NMRAL1: variants seen among roughly 807,000 people sequenced by gnomAD.
NMRAL1 encodes the protein nmrA-like family domain-containing protein 1.
Under a neutral mutation model 27.5 loss-of-function variants are expected in NMRAL1, and 32 were observed. That is an observed-to-expected ratio of 1.16 (90% CI 0.88 to 1.56). NMRAL1 has a LOEUF of 1.56. NMRAL1 is among the 40% of genes most tolerant of loss of function. The probability of loss-of-function intolerance (pLI) is 0.00; values close to 1 mark genes in which losing one functional copy is unlikely to be tolerated. For missense variants in NMRAL1, 420 were observed against 392.0 expected (o/e 1.07, Z -0.60); for synonymous variants, 166 against 166.8 (o/e 1.00, Z 0.04).
At chr16:4,467,099 C>G (rs936502044) in intron 3 of NMRAL1, 1 of 152,126 alleles carries the variant, frequency 6.6e-6, no homozygotes, top group Admixed American at 6.6e-5. Context: ...TTATAAGAGA[C>G]GGGAGAAGAG....
chr16:4,466,016 T>C lies in NMRAL1; in HGVS notation c.529+137A>G, dbSNP rs560232620. The C allele has an allele frequency of 2.3e-5, 22 of 970,922 alleles. No individual in the cohort carries two copies. The South Asian group carries it at 2.8e-4, about 12-fold the overall frequency. 60.1% of individuals were successfully genotyped at this position (970,922 alleles called of 1,614,324 possible). ...GCTGAGGCCCCGCAAGCTGACAGGATGTGCTCAGTCCTGGGCCTAACGTGA... is the reference window on the plus strand; with the variant it reads ...GCTGAGGCCCCGCAAGCTGACAGGACGTGCTCAGTCCTGGGCCTAACGTGA... On this transcript the variant is annotated intron_variant, in intron 4 of 5. Coordinates refer to ENST00000283429, the MANE Select transcript of NMRAL1 (RefSeq NM_020677.6).
Position 4,463,822 on chromosome 16 carries a change from A to G in NMRAL1, c.558T>C (p.Asp186=), listed in dbSNP as rs764636311. 1 of 1,613,716 alleles carries G rather than the reference A, an allele frequency of 6.2e-7. No homozygotes were observed. The highest frequency in any genetic ancestry group is 1.3e-5 in the African/African-American group (1 of 74,936). The change falls in exon 5 of 6, where the codon GAT becomes GAC. Residue 186 remains aspartate (D), a synonymous_variant. Transcript: ENST00000283429. ...GACCCAGGTCAGACACGGACATGCC[A>G]TCCATGGGAACGTCACCTGTGGGCA... ...LSLPTGDVPM[D]GMSVSDLGPV...
intron 2 of NMRAL1, among the ~76,000 whole-genome samples, chr16:4,470,659 A>G (rs1033326667): frequency 6.6e-6 from 1 of 151,928 alleles, no homozygotes; most frequent in African/African-American, 2.4e-5. Context: ...TAAAAATAAA[A>G]AAATGAGGCC....
At chr16:4,472,340 G>A (rs1467637954) in intron 2 of NMRAL1, among the ~76,000 whole-genome samples, 1 of 151,782 alleles carries the variant, frequency 6.6e-6, no homozygotes, top group Non-Finnish European at 1.5e-5. Flanking sequence ...TACTTGGGAG[G>A]CTGAGGCAGG....
intron 4 of NMRAL1, among the ~76,000 whole-genome samples, chr16:4,464,530 G>C (rs1399836010): frequency 2.0e-5 from 3 of 152,030 alleles, no homozygotes; most frequent in African/African-American, 7.2e-5. Flanking sequence ...ACAGGGGCCA[G>C]TGCAGCTTCC....
rs1001966772 is a variant in NMRAL1 at position 4,466,148 on chromosome 16, C to G, written c.529+5G>C. 1 of 1,614,008 alleles carries G rather than the reference C, an allele frequency of 6.2e-7. No homozygotes were observed. The highest frequency in any genetic ancestry group is 8.5e-7 in the Non-Finnish European group (1 of 1,180,012). ...GCCTCACCGTGTGCGAGAAAGGGCA[C>G]TTACTCAGCAAGTAGCTCTTTCCGT... is the stretch of plus-strand genomic sequence containing the variant. On this transcript the variant is annotated splice_donor_5th_base_variant and intron_variant, in intron 4 of 5. Coordinates refer to ENST00000283429, the MANE Select transcript of NMRAL1 (RefSeq NM_020677.6).
Position 4,466,287 on chromosome 16 carries a change from C to T in NMRAL1, c.395G>A (p.Gly132Asp). 6.2e-7 allele frequency: 1 copy of T among 1,614,088 alleles called. No homozygotes were observed. Among genetic ancestry groups the T allele is most frequent in the Non-Finnish European group, 8.5e-7 (1 of 1,180,050 alleles). The change falls in exon 4 of 6, where the codon GGC (glycine) becomes GAC (aspartate). Residue 132 changes from glycine (G) to aspartate (D), a missense_variant. Gly to Asp is a moderately conservative substitution (Grantham distance 94). Coordinates refer to ENST00000283429, the MANE Select transcript of NMRAL1 (RefSeq NM_020677.6). ...GAAATATTCCTCCACCTCCCCTTTGCCGTCAAAGTGCGCGGCGGCCAATCT... is the reference window on the plus strand; with the variant it reads ...GAAATATTCCTCCACCTCCCCTTTGTCGTCAAAGTGCGCGGCGGCCAATCT... ...AGRLAAAHFD[G>D]KGEVEEYFRD...
At chr16:4,475,331 G>A (rs533649768), upstream of NMRAL1, among the ~76,000 whole-genome samples, 6 of 151,522 alleles carry the variant, frequency 4.0e-5, no homozygotes, top group Non-Finnish European at 8.8e-5. Context: ...TCAAGGTGGA[G>A]TCTTGCTCTG....
chr16:4,464,481 G>C (rs996080278), intron 4 of NMRAL1, among the ~76,000 whole-genome samples: 2 of 152,070 alleles, frequency 1.3e-5, no homozygotes, highest in African/African-American at 4.8e-5. Context: ...TCTGGGTGTG[G>C]CCTGTGGAAT....
intron 2 of NMRAL1, 26 bp downstream of exon 2, chr16:4,474,067 G>A (rs1168528216): frequency 6.2e-7 from 1 of 1,600,260 alleles, no homozygotes; most frequent in Non-Finnish European, 8.6e-7. Context: ...GGCTCTGCAA[G>A]GGCCCCAGTC....
At chr16:4,476,246 C>G (rs1401957527), upstream of NMRAL1, 2 of 152,336 alleles carry the variant, frequency 1.3e-5, no homozygotes, top group East Asian at 3.8e-4. Flanking sequence ...CCCCGCTGAG[C>G]AGAGCCTGAG....
At chr16:4,466,677 C>CA (rs2057343069) in intron 3 of NMRAL1, 1 of 475,476 alleles carries the variant, frequency 2.1e-6, no homozygotes. Flanking sequence ...GGACGGCCTG[C>CA]ATGGAGGTCT....
rs192835850 is a variant in NMRAL1 at position 4,466,649 on chromosome 16, G to C, written c.280-247C>G. 729 of 531,918 alleles carry C rather than the reference G, an allele frequency of 1.4e-3. 1 individual carries two copies. The highest frequency in any genetic ancestry group is 1.9e-3 in the Non-Finnish European group (559 of 294,390). 32.9% of individuals were successfully genotyped at this position (531,918 alleles called of 1,614,324 possible). On this transcript the variant is annotated intron_variant, in intron 3 of 5. Transcript: ENST00000283429. ...CACCATGTGCAACATAGGACGGGGGGGCAGGTCGGCTGCAGGGGGACGGCC... is the reference window on the plus strand; with the variant it reads ...CACCATGTGCAACATAGGACGGGGGCGCAGGTCGGCTGCAGGGGGACGGCC...
intron 2 of NMRAL1, among the ~76,000 whole-genome samples, chr16:4,473,334 A>T (rs1459668057): frequency 6.6e-6 from 1 of 152,148 alleles, no homozygotes; most frequent in African/African-American, 2.4e-5. Context: ...GTACAATTCT[A>T]TGAATACACT....
At position 4,461,717 on chromosome 16, in the gene NMRAL1, G is replaced by C; in HGVS notation, c.*63C>G. The C allele has an allele frequency of 2.8e-6, 4 of 1,448,036 alleles. No homozygotes were observed. The highest frequency in any genetic ancestry group is 1.9e-6 in the Non-Finnish European group (2 of 1,064,318). The allele number at this position is 1,448,036 out of a possible 1,614,324, so 89.7% of individuals were successfully genotyped here. A position where few individuals can be genotyped will look rare whatever the true frequency, so the allele number is the denominator to read the frequency against. On this transcript the variant is annotated 3_prime_UTR_variant, in exon 6 of 6. Coordinates refer to ENST00000283429, the MANE Select transcript of NMRAL1 (RefSeq NM_020677.6). Reference sequence around the variant, plus strand: ...TCTGGGAGAACAATGGCTTTATTCAGATGTTGGTGCCTCTGCCCCTCTGGT... The same window carrying C: ...TCTGGGAGAACAATGGCTTTATTCACATGTTGGTGCCTCTGCCCCTCTGGT...
At chr16:4,472,967 G>A (rs1422741408) in intron 2 of NMRAL1, among the ~76,000 whole-genome samples, 3 of 150,636 alleles carry the variant, frequency 2.0e-5, no homozygotes, top group African/African-American at 7.3e-5. Context: ...ACGGGTTCAT[G>A]GAGTTCTTTT....
intron 5 of NMRAL1, among the ~76,000 whole-genome samples, chr16:4,462,864 T>C (rs1042982598): frequency 2.0e-5 from 3 of 147,568 alleles, no homozygotes; most frequent in Non-Finnish European, 4.5e-5. Flanking sequence ...CCCAGATTCT[T>C]TTTTTTTTTT....
intron 2 of NMRAL1, among the ~76,000 whole-genome samples, chr16:4,473,707 C>T (rs1481580470): frequency 6.6e-6 from 1 of 151,890 alleles, no homozygotes; most frequent in East Asian, 1.9e-4. Flanking sequence ...CGGGTCATCA[C>T]CTGAGGTCAG....
intron 3 of NMRAL1, chr16:4,466,689 A>C (rs1053668310): frequency 4.5e-6 from 2 of 441,406 alleles, no homozygotes; most frequent in Non-Finnish European, 8.4e-6. Context: ...TGGAGGTCTA[A>C]AGGAGAATGC....
Sources: gnomAD v4.1 joint callset for allele counts (sites outside exome capture counted in the v4.1 genomes callset) on GRCh38, gnomAD v4.1.1 for gene constraint, MANE v1.5 for transcripts, NCBI Gene and HGNC (gene_info 2026-07-23, HGNC 2026-07-21) for gene names.